The following CA1 variants were observed in gnomAD, a reference collection of about 807,000 sequenced individuals.
The protein encoded by CA1 is carbonic anhydrase 1.
In CA1, 27 loss-of-function variants were observed where a neutral mutation model predicts 28.8. That is an observed-to-expected ratio of 0.94 (90% CI 0.69 to 1.29). CA1 has a LOEUF of 1.29. Ranked by LOEUF, CA1 falls within the 50% of genes most tolerant of loss-of-function variation. The pLI is 0.00. For missense variants in CA1, 335 were observed against 310.5 expected (o/e 1.08, Z -0.59); for synonymous variants, 121 against 108.8 (o/e 1.11, Z -0.70).
chr8:85,349,664 T>G (rs528299992), intron 1 of CA1: 12 of 152,336 alleles, frequency 7.9e-5, no homozygotes, highest in African/African-American at 2.9e-4. Flanking sequence ...GCCCAGCTCA[T>G]GAAGCTATCA....
chr8:85,343,322 G>T (rs1809003789), intron 1 of CA1: 3 of 152,150 alleles, frequency 2.0e-5, no homozygotes, highest in African/African-American at 7.2e-5. Flanking sequence ...GCAAGTGGCT[G>T]CTTATATCCC....
intron 1 of CA1, among the ~76,000 whole-genome samples, chr8:85,351,481 C>G (rs138840443): frequency 5.2e-4 from 79 of 152,330 alleles, no homozygotes; most frequent in African/African-American, 1.6e-3. Context: ...CAGCACTGCT[C>G]TAGCATGATG....
chr8:85,376,658 AAAATAAATAAATAAATAAATAAAT>A (rs200425469), intron 1 of CA1, among the ~76,000 whole-genome samples: 6 of 140,080 alleles, frequency 4.3e-5, no homozygotes, highest in Admixed American at 7.2e-5. Flanking sequence ...AATTGTCTCA[AAAATAAATAAATAAATAAATAAAT>A]AAATAAATAA....
rs1024845211 is a variant in CA1, at chr8:85,349,802, A to G, written c.-24-8143T>C. 2.0e-5 allele frequency: 3 copies of G among 152,212 alleles called. No individual in the cohort carries two copies. In the East Asian group the frequency reaches 5.8e-4, roughly 29 times the overall value. The allele number at this position is 152,212 out of a possible 1,614,324, so 9.4% of individuals were successfully genotyped here. On this transcript the variant is annotated intron_variant, in intron 1 of 7. Coordinates refer to ENST00000523022, the MANE Select transcript of CA1 (RefSeq NM_001128831.4). ...TGAATGCATATTCTACATTTCCACA[A>G]AAATCTACCTTATTTCTTCCAGTCC...
intron 7 of CA1, 123 bp from the exon 8 acceptor site, chr8:85,328,799 A>G (rs1808279239): frequency 1.8e-6 from 1 of 552,190 alleles, no homozygotes; most frequent in Non-Finnish European, 3.2e-6. Flanking sequence ...AATATCACTA[A>G]TAGGAAGAGA....
At chr8:85,331,294 A>T (rs1029857524) in intron 6 of CA1, among the ~76,000 whole-genome samples, 1 of 151,908 alleles carries the variant, frequency 6.6e-6, no homozygotes, top group Non-Finnish European at 1.5e-5. Context: ...TTTAGTCACA[A>T]CCTATTTATT....
rs1399508453 is a variant in CA1, at chr8:85,329,796, A to T, written c.562T>A (p.Ser188Thr). 2 of 1,602,892 alleles carry T rather than the reference A, an allele frequency of 1.2e-6. No individual in the cohort carries two copies. The highest frequency in any genetic ancestry group is 4.5e-5 in the East Asian group (2 of 44,476). The change falls in exon 7 of 8, where the codon TCA (serine) becomes ACA (threonine). Residue 188 changes from serine (S) to threonine (T), a missense_variant. Ser to Thr is a moderately conservative substitution (Grantham distance 58). Transcript: ENST00000523022. ...GGGTAGGTCCAGAAATCCAGGGATG[A>T]AGGAAGGAGAGTAGAGGGGTCAAAA... is the stretch of plus-strand genomic sequence containing the variant. The part of the protein sequence containing the change: ...TNFDPSTLLP[S>T]SLDFWTYPGS...
chr8:85,349,510 C>A (rs1341098969), intron 1 of CA1, among the ~76,000 whole-genome samples: 2 of 152,140 alleles, frequency 1.3e-5, no homozygotes, highest in Non-Finnish European at 2.9e-5. Flanking sequence ...TACCTCACAA[C>A]AGTCATTGTA....
intron 3 of CA1, 68 bp downstream of exon 3, chr8:85,338,183 CG>C: frequency 8.0e-7 from 1 of 1,257,228 alleles, no homozygotes; most frequent in South Asian, 1.2e-5. Flanking sequence ...TCATATTTCT[CG>C]AGCACTATTT....
chr8:85,341,488 A>G, intron 2 of CA1, 111 bp downstream of exon 2: 1 of 752,870 alleles, frequency 1.3e-6, no homozygotes, highest in Admixed American at 1.9e-5. Flanking sequence ...TAAAGCAGAC[A>G]GTTCAACAAT....
At chr8:85,366,626 T>C (rs761242412) in intron 1 of CA1, among the ~76,000 whole-genome samples, 27 of 152,322 alleles carry the variant, frequency 1.8e-4, no homozygotes, top group Non-Finnish European at 3.2e-4. Flanking sequence ...GTCTGTGAAA[T>C]TGAAAAATTA....
intron 1 of CA1, among the ~76,000 whole-genome samples, chr8:85,354,913 G>A (rs1404465003): frequency 3.3e-5 from 5 of 152,126 alleles, no homozygotes; most frequent in Non-Finnish European, 5.9e-5. Flanking sequence ...ATTCTGTCTT[G>A]TGCCATCTGG....
intron 1 of CA1, among the ~76,000 whole-genome samples, chr8:85,361,533 C>T (rs974414503): frequency 3.3e-5 from 5 of 151,854 alleles, no homozygotes; most frequent in East Asian, 3.9e-4. Flanking sequence ...ACAAGTTAGC[C>T]GGGCATGGTG....
intron 4 of CA1, among the ~76,000 whole-genome samples, chr8:85,334,358 C>T (rs567870074): frequency 1.3e-5 from 2 of 152,154 alleles, no homozygotes; most frequent in South Asian, 2.1e-4. Context: ...GGTTATACTT[C>T]GTCACATGTT....
intron 1 of CA1, among the ~76,000 whole-genome samples, chr8:85,376,749 A>G (rs1810434989): frequency 1.3e-5 from 2 of 152,140 alleles, no homozygotes; most frequent in Non-Finnish European, 2.9e-5. Context: ...ACTGCATGAA[A>G]CAGTGTGAAT....
Position 85,328,448 on chromosome 8 carries a change from GC to G in CA1, c.*111del. 3.0e-6 allele frequency: 2 copies of G among 673,198 alleles called. No individual in the cohort carries two copies. Among genetic ancestry groups the G allele is most frequent in the African/African-American group, 3.6e-5 (2 of 55,274 alleles). The allele number at this position is 673,198 out of a possible 1,614,324, so 41.7% of individuals were successfully genotyped here. ...GTTTTACAGATTGATTTGAAGGCAT[GC>G]TGTCTTGCTAATATTGAAATAAATT... On this transcript the variant is annotated 3_prime_UTR_variant, in exon 8 of 8. Transcript: ENST00000523022.
At chr8:85,332,776 T>C (rs1808464483) in intron 5 of CA1, among the ~76,000 whole-genome samples, 1 of 152,288 alleles carries the variant, frequency 6.6e-6, no homozygotes, top group South Asian at 2.1e-4. Flanking sequence ...ACAAAAAGTT[T>C]GATTTAAACT....
At chr8:85,374,460 T>C (rs1810337690) in intron 1 of CA1, among the ~76,000 whole-genome samples, 1 of 152,210 alleles carries the variant, frequency 6.6e-6, no homozygotes, top group Non-Finnish European at 1.5e-5. Flanking sequence ...CTGCTATAGG[T>C]TTGTGTCTTA....
At chr8:85,331,273 TC>T (rs1808383050) in intron 6 of CA1, among the ~76,000 whole-genome samples, 1 of 152,100 alleles carries the variant, frequency 6.6e-6, no homozygotes, top group Non-Finnish European at 1.5e-5. Flanking sequence ...CTTAAAATTT[TC>T]TTCTATATCT....
Sources: gnomAD v4.1 joint callset for allele counts (sites outside exome capture counted in the v4.1 genomes callset) on GRCh38, gnomAD v4.1.1 for gene constraint, MANE v1.5 for transcripts, NCBI Gene and HGNC (gene_info 2026-07-23, HGNC 2026-07-21) for gene names.